The following DNAJC24 variants were observed in gnomAD, a reference collection of about 807,000 sequenced individuals.
The protein encoded by DNAJC24 is DnaJ heat shock protein family (Hsp40) member C24.
In DNAJC24, 17 loss-of-function variants were observed where a neutral mutation model predicts 18.0. The ratio of observed to expected loss-of-function variants is 0.94; its 90% CI spans 0.65 to 1.42. The LOEUF (loss-of-function observed/expected upper bound fraction) is 1.42. Among genes scored for constraint, DNAJC24 ranks in the 40% most tolerant of loss-of-function variants. The probability of loss-of-function intolerance (pLI) is 0.00; values close to 1 mark genes in which losing one functional copy is unlikely to be tolerated. For synonymous variants in DNAJC24, 55 were observed against 57.7 expected (o/e 0.95, Z 0.21); for missense variants, 158 against 175.6 (o/e 0.90, Z 0.57).
chr11:31,412,017 G>A (rs1376435286), intron 2 of DNAJC24, among the ~76,000 whole-genome samples: 1 of 152,062 alleles, frequency 6.6e-6, no homozygotes, highest in Non-Finnish European at 1.5e-5. Flanking sequence ...TAAATGTCAT[G>A]GAATCTGAAT....
intron 2 of DNAJC24, among the ~76,000 whole-genome samples, chr11:31,386,453 A>C (rs1189448319): frequency 1.3e-5 from 2 of 151,502 alleles, no homozygotes; most frequent in Non-Finnish European, 2.9e-5. Context: ...GAGGCCCCCC[A>C]TTCTAGGCTG....
intron 2 of DNAJC24, among the ~76,000 whole-genome samples, chr11:31,382,683 T>C (rs574354140): frequency 4.0e-4 from 61 of 152,322 alleles, no homozygotes; most frequent in Admixed American, 9.8e-4. Flanking sequence ...CACCACTCAA[T>C]ACAGTACTTC....
chr11:31,405,078 T>G (rs1231689453), intron 2 of DNAJC24, among the ~76,000 whole-genome samples: 2 of 149,928 alleles, frequency 1.3e-5, no homozygotes, highest in African/African-American at 2.4e-5. Flanking sequence ...TTTTTTTGTT[T>G]TTTTTTTTTT....
At chr11:31,400,260 T>C (rs536616380) in intron 2 of DNAJC24, among the ~76,000 whole-genome samples, 38 of 152,322 alleles carry the variant, frequency 2.5e-4, no homozygotes, top group Non-Finnish European at 4.3e-4. Context: ...TTATAATCCA[T>C]TGGGTATATA....
chr11:31,395,165 G>C (rs938902384), intron 2 of DNAJC24, among the ~76,000 whole-genome samples: 2 of 152,142 alleles, frequency 1.3e-5, no homozygotes, highest in African/African-American at 4.8e-5. Context: ...AGTGCACTTA[G>C]GAGAGTGACC....
At chr11:31,414,750 T>A (rs1321305706) in intron 2 of DNAJC24, 61 bp from the exon 3 acceptor site, 26 of 1,505,974 alleles carry the variant, frequency 1.7e-5, no homozygotes, top group Middle Eastern at 3.5e-4. Context: ...ACAATTTTTT[T>A]AAATCTAACC....
Position 31,431,997 on chromosome 11 carries a change from A to G in DNAJC24, c.*1596A>G, listed in dbSNP as rs1952929631. 1 of 153,074 alleles carries G rather than the reference A, an allele frequency of 6.5e-6. No homozygotes were observed. Among genetic ancestry groups the G allele is most frequent in the South Asian group, 2.1e-4 (1 of 4,876 alleles). The allele number at this position is 153,074 out of a possible 1,614,324, so 9.5% of individuals were successfully genotyped here. A position where few individuals can be genotyped will look rare whatever the true frequency, so the allele number is the denominator to read the frequency against. Reference sequence around the variant, plus strand: ...TCTATGTATTTAATATTTTGTGTACAGTAAAAGTCAGAACTCATTTAAAGA... The same window carrying G: ...TCTATGTATTTAATATTTTGTGTACGGTAAAAGTCAGAACTCATTTAAAGA... On this transcript the variant is annotated 3_prime_UTR_variant, in exon 5 of 5. Coordinates refer to ENST00000465995, the MANE Select transcript of DNAJC24 (RefSeq NM_181706.5).
Position 31,373,461 on chromosome 11 carries a change from G to A in DNAJC24, c.111+2602G>A. Among the ~76,000 whole-genome samples, 4 of 134,962 alleles carry A rather than the reference G, an allele frequency of 3.0e-5. 2 individuals carry two copies. The allele number at this position is 134,962 out of a possible 152,430, so 88.5% of individuals were successfully genotyped here. A position where few individuals can be genotyped will look rare whatever the true frequency, so the allele number is the denominator to read the frequency against. ...TGGACTCTATTCTGTTTTATATGTT[G>A]TTTATCCTTTTACTAATACCTCCAT... On this transcript the variant is annotated intron_variant, in intron 2 of 4. Coordinates refer to ENST00000465995, the MANE Select transcript of DNAJC24 (RefSeq NM_181706.5).
At position 31,376,045 on chromosome 11, in the gene DNAJC24, A is replaced by ATTTTTATAT. The variant is rs1169295261; in HGVS notation, c.111+5187_111+5188insTTTTATATT. On this transcript the variant is annotated intron_variant, in intron 2 of 4. Coordinates refer to ENST00000465995, the MANE Select transcript of DNAJC24 (RefSeq NM_181706.5). ...GAGGGACCCAGTGGGAGATAATTGA[A>ATTTTTATAT]TCATGGGGTGGCGAGGAGGGGGTTC... Among the ~76,000 whole-genome samples, 24 of 143,812 alleles carry ATTTTTATAT rather than the reference A, an allele frequency of 1.7e-4. 6 individuals carry two copies. The highest frequency in any genetic ancestry group is 3.0e-4 in the Non-Finnish European group (19 of 63,558). 94.3% of individuals were successfully genotyped at this position (143,812 alleles called of 152,430 possible).
At position 31,432,476 on chromosome 11, in the gene DNAJC24, T is replaced by C. The variant is rs755233345; in HGVS notation, c.*2075T>C. On this transcript the variant is annotated 3_prime_UTR_variant, in exon 5 of 5. Coordinates refer to ENST00000465995, the MANE Select transcript of DNAJC24 (RefSeq NM_181706.5). The stretch of plus-strand genomic sequence containing the variant: ...AATTCACATGAAAAGGAGACAATAA[T>C]CAAGTCAAAAGAATAAATGCTTACT... 6.5e-7 allele frequency: 1 copy of C among 1,546,924 alleles called. No individual in the cohort carries two copies. Among genetic ancestry groups the C allele is most frequent in the South Asian group, 1.1e-5 (1 of 89,606 alleles).
intron 2 of DNAJC24, among the ~76,000 whole-genome samples, chr11:31,398,687 T>C (rs1026132822): frequency 1.3e-5 from 2 of 152,190 alleles, no homozygotes; most frequent in African/African-American, 4.8e-5. Flanking sequence ...ACTAGTATCA[T>C]TAATATGGCA....
At chr11:31,406,099 C>CTT (rs915477449) in intron 2 of DNAJC24, among the ~76,000 whole-genome samples, 3 of 149,474 alleles carry the variant, frequency 2.0e-5, no homozygotes, top group African/African-American at 7.4e-5. Flanking sequence ...GCTACAAATC[C>CTT]TTTTTTTTTT....
intron 2 of DNAJC24, among the ~76,000 whole-genome samples, chr11:31,405,422 C>G (rs1366417206): frequency 6.7e-6 from 1 of 148,180 alleles, no homozygotes; most frequent in African/African-American, 2.5e-5. Context: ...ATATTTAAGT[C>G]TCATAGCTAC....
intron 3 of DNAJC24, chr11:31,417,368 T>C (rs1024531890): frequency 6.6e-6 from 1 of 152,128 alleles, no homozygotes; most frequent in African/African-American, 2.4e-5. Flanking sequence ...ATTAATTTTT[T>C]CTTCTTGACT....
chr11:31,412,445 A>C (rs990397542), intron 2 of DNAJC24, among the ~76,000 whole-genome samples: 1 of 152,196 alleles, frequency 6.6e-6, no homozygotes, highest in African/African-American at 2.4e-5. Flanking sequence ...GTTACATATA[A>C]TAACATTTAC....
rs549672065 is a variant in DNAJC24 at position 31,390,923 on chromosome 11, A to G, written c.111+20064A>G. Among the ~76,000 whole-genome samples, 10 of 152,258 alleles carry G rather than the reference A, an allele frequency of 6.6e-5. No individual in the cohort carries two copies. The East Asian group carries it at 1.5e-3, about 24-fold the overall frequency. ...CAAAGACACATCAAAAAAGGAAAACATAGGCCAATATTTCTGATGAGTATT... is the reference window on the plus strand; with the variant it reads ...CAAAGACACATCAAAAAAGGAAAACGTAGGCCAATATTTCTGATGAGTATT... On this transcript the variant is annotated intron_variant, in intron 2 of 4. Transcript: ENST00000465995.
chr11:31,388,838 A>AC (rs1952458202), intron 2 of DNAJC24, among the ~76,000 whole-genome samples: 1 of 152,078 alleles, frequency 6.6e-6, no homozygotes, highest in Non-Finnish European at 1.5e-5. Flanking sequence ...TAAGATATAA[A>AC]ATAGAAACAA....
At chr11:31,428,793 C>T (rs1952890539) in intron 4 of DNAJC24, among the ~76,000 whole-genome samples, 1 of 152,110 alleles carries the variant, frequency 6.6e-6, no homozygotes, top group African/African-American at 2.4e-5. Context: ...AAAGTTATCA[C>T]CTGGTTAAAA....
At chr11:31,382,872 C>T (rs1398209009) in intron 2 of DNAJC24, among the ~76,000 whole-genome samples, 1 of 152,074 alleles carries the variant, frequency 6.6e-6, no homozygotes, top group Non-Finnish European at 1.5e-5. Flanking sequence ...AGATGCAAGC[C>T]CCAGGTTGTG....
Sources: allele counts gnomAD v4.1 joint callset (sites outside exome capture counted in the v4.1 genomes callset), GRCh38; gene constraint gnomAD v4.1.1; transcripts MANE v1.5; gene names NCBI Gene and HGNC (gene_info 2026-07-23, HGNC 2026-07-21).